The following PCDH15 variants were observed in gnomAD, a reference collection of about 807,000 sequenced individuals.
The protein encoded by PCDH15 is protocadherin related 15, also known as protocadherin-15.
PCDH15 carries 129 observed loss-of-function variants against 178.5 expected under a neutral mutation model. The observed-to-expected ratio is 0.72, with a 90% CI of 0.63 to 0.84. The LOEUF (loss-of-function observed/expected upper bound fraction) is 0.84. PCDH15 is among the 40% of genes least tolerant of loss of function. The pLI, the probability that PCDH15 is intolerant of heterozygous loss-of-function variation, is 0.00. For missense variants in PCDH15, 2,230 were observed against 2,099.9 expected (o/e 1.06, Z -1.21); for synonymous variants, 800 against 732.0 (o/e 1.09, Z -1.50).
chr10:54,414,733 G>C (rs1364641276), intron 3 of PCDH15, among the ~76,000 whole-genome samples: 1 of 151,974 alleles, frequency 6.6e-6, no homozygotes, highest in Non-Finnish European at 1.5e-5. Context: ...TATAACACAT[G>C]AGAAAACGAA....
chr10:54,436,808 C>CTT (rs10693293), intron 3 of PCDH15, among the ~76,000 whole-genome samples: 71,998 of 151,704 alleles, frequency 0.47, 17,825 homozygotes, highest in Middle Eastern at 0.52. Flanking sequence ...AAATATGTAA[C>CTT]ATCACAAAAT....
intron 25 of PCDH15, among the ~76,000 whole-genome samples, chr10:53,904,872 A>G (rs1306539911): frequency 6.6e-6 from 1 of 152,236 alleles, no homozygotes; most frequent in African/African-American, 2.4e-5. Flanking sequence ...TTGCACTTTC[A>G]TTCAGAAACA....
At chr10:55,135,574 C>CTTTTTTTTTT (rs56956557) in intron 2 of PCDH15, among the ~76,000 whole-genome samples, 24 of 68,236 alleles carry the variant, frequency 3.5e-4, no homozygotes, top group East Asian at 9.1e-4. Context: ...TCTTTTCTTT[C>CTTTTTTTTTT]TTTTTTTTTT....
At chr10:55,510,507 A>G (rs1292129988) in intron 2 of PCDH15, among the ~76,000 whole-genome samples, 1 of 151,902 alleles carries the variant, frequency 6.6e-6, no homozygotes. Flanking sequence ...AACCTCAAAT[A>G]TTTCAATAAC....
rs1217851750 is a variant in PCDH15, at chr10:53,922,652, A to G, written c.3373+16163T>C. 4.6e-5 allele frequency among the ~76,000 whole-genome samples: 7 copies of G among 152,310 alleles called. No individual in the cohort carries two copies. The East Asian group carries it at 1.3e-3, about 29-fold the overall frequency. On this transcript the variant is annotated intron_variant, in intron 25 of 37. Transcript: ENST00000644397. Reference sequence around the variant, plus strand: ...ATTTTCCCTAGTATAGATTTTTGATAAAATTTCTCCTTTACTGTTTGTCCT... The same window carrying G: ...ATTTTCCCTAGTATAGATTTTTGATGAAATTTCTCCTTTACTGTTTGTCCT...
chr10:54,411,779 A>G lies in PCDH15; in HGVS notation c.158-32837T>C, dbSNP rs367647144. On this transcript the variant is annotated intron_variant, in intron 3 of 37. Coordinates refer to ENST00000644397, the MANE Select transcript of PCDH15 (RefSeq NM_001384140.1). ...GTAAACAAGAAAATGCCTGTCACAC[A>G]GCACTCACATTAAAAGCTTAGTTGA... 1.6e-4 allele frequency among the ~76,000 whole-genome samples: 25 copies of G among 152,296 alleles called. No individual in the cohort carries two copies. The South Asian group carries it at 5.2e-3, about 32-fold the overall frequency.
chr10:54,618,073 T>C (rs2093236734), intron 2 of PCDH15, among the ~76,000 whole-genome samples: 1 of 152,108 alleles, frequency 6.6e-6, no homozygotes, highest in Admixed American at 6.6e-5. Flanking sequence ...TTCTATAAAT[T>C]CTACTTCCCA....
intron 2 of PCDH15, among the ~76,000 whole-genome samples, chr10:55,124,511 T>C (rs1289901494): frequency 6.6e-6 from 1 of 152,172 alleles, no homozygotes; most frequent in Non-Finnish European, 1.5e-5. Context: ...CAGCTATAAA[T>C]GGAAATTTTG....
upstream of PCDH15, among the ~76,000 whole-genome samples, chr10:54,803,441 A>T (rs1441574507): frequency 6.6e-6 from 1 of 152,062 alleles, no homozygotes; most frequent in East Asian, 1.9e-4. Context: ...GTGGCTGGGG[A>T]GGAGTGGGAT....
At chr10:53,931,173 A>T (rs1196589348) in intron 25 of PCDH15, among the ~76,000 whole-genome samples, 1 of 152,180 alleles carries the variant, frequency 6.6e-6, no homozygotes, top group Non-Finnish European at 1.5e-5. Flanking sequence ...AAGTACTGGG[A>T]GGAAGCTCCT....
chr10:53,816,119 T>C, intron 35 of PCDH15, 120 bp downstream of exon 35: 1 of 395,036 alleles, frequency 2.5e-6, no homozygotes, highest in Non-Finnish European at 4.5e-6. Flanking sequence ...GACTCTTTTC[T>C]TTTCCTTTAA....
rs149997507 is a variant in PCDH15 at position 55,374,904 on chromosome 10, G to A, written c.-155-208253C>T. Among the ~76,000 whole-genome samples the A allele has an allele frequency of 1.3e-3, 197 of 151,912 alleles. 3 individuals carry two copies. The highest frequency in any genetic ancestry group is 4.7e-3 in the African/African-American group (196 of 41,436). On this transcript the variant is annotated intron_variant, in intron 2 of 5. Transcript: ENST00000613346. ...TGATCTGACCAACAATATAAAAATA[G>A]AGTAGAAAGGAAACTCTATAAAATG...
chr10:55,421,127 A>G (rs1838610721), intron 2 of PCDH15, among the ~76,000 whole-genome samples: 1 of 151,542 alleles, frequency 6.6e-6, no homozygotes, highest in South Asian at 2.1e-4. Context: ...ATGAAGTCAA[A>G]ATATATAAGA....
chr10:54,456,983 G>C (rs889680831), intron 3 of PCDH15, among the ~76,000 whole-genome samples: 1 of 152,008 alleles, frequency 6.6e-6, no homozygotes, highest in African/African-American at 2.4e-5. Context: ...TGAGTTTATT[G>C]AACCTCTTAT....
intron 6 of PCDH15, among the ~76,000 whole-genome samples, chr10:54,343,597 C>G (rs1030150212): frequency 6.8e-6 from 1 of 146,842 alleles, no homozygotes; most frequent in Non-Finnish European, 1.5e-5. Context: ...TTTAGAACAC[C>G]ATTTGAATTG....
chr10:54,607,092 G>T (rs561854025), intron 2 of PCDH15: 13 of 152,114 alleles, frequency 8.5e-5, no homozygotes, highest in African/African-American at 3.1e-4. Context: ...AGGTCTTTTA[G>T]TTGTCAAAGT....
chr10:55,599,676 T>G (rs1843026492), intron 2 of PCDH15: 2 of 320,746 alleles, frequency 6.2e-6, no homozygotes, highest in South Asian at 1.0e-4. Context: ...AATAGACATC[T>G]TATTATCTTT....
At chr10:55,611,945 A>C (rs1408345395) in intron 2 of PCDH15, among the ~76,000 whole-genome samples, 1 of 152,078 alleles carries the variant, frequency 6.6e-6, no homozygotes, top group East Asian at 1.9e-4. Context: ...TCATGATCTC[A>C]CTTACACGTG....
intron 13 of PCDH15, among the ~76,000 whole-genome samples, chr10:54,174,199 A>C (rs998620641): frequency 1.3e-5 from 2 of 152,124 alleles, no homozygotes; most frequent in African/African-American, 4.8e-5. Flanking sequence ...TCATAGAAGG[A>C]CATTTCACAG....
Sources: gnomAD v4.1 joint callset for allele counts (sites outside exome capture counted in the v4.1 genomes callset) on GRCh38, gnomAD v4.1.1 for gene constraint, MANE v1.5 for transcripts, NCBI Gene and HGNC (gene_info 2026-07-23, HGNC 2026-07-21) for gene names.